The following LUZP2 variants were observed in gnomAD, a reference collection of about 807,000 sequenced individuals.
LUZP2 encodes leucine zipper protein 2.
Under a neutral mutation model 51.6 loss-of-function variants are expected in LUZP2, and 52 were observed. The ratio of observed to expected loss-of-function variants is 1.01; its 90% CI spans 0.81 to 1.27. The LOEUF (loss-of-function observed/expected upper bound fraction) is 1.27, where lower values mean the gene tolerates loss of function less well. Among genes scored for constraint, LUZP2 ranks in the 50% most tolerant of loss-of-function variants. LUZP2 has a pLI of 0.00. For synonymous variants in LUZP2, 154 were observed against 137.3 expected, an observed-to-expected ratio of 1.12 and a Z score of -0.85; for missense variants, 436 against 395.4, an observed-to-expected ratio of 1.10 and a Z score of -0.87.
intron 3 of LUZP2, among the ~76,000 whole-genome samples, chr11:24,734,878 A>T (rs1366153056): frequency 2.0e-5 from 3 of 151,798 alleles, no homozygotes; most frequent in Non-Finnish European, 2.9e-5. Flanking sequence ...CTCAATTATT[A>T]CCTTGTTTTC....
chr11:24,633,958 G>GTATATATATATATATA (rs534303582), intron 1 of LUZP2, among the ~76,000 whole-genome samples: 45 of 134,918 alleles, frequency 3.3e-4, no homozygotes, highest in Admixed American at 5.5e-4. Context: ...GTGTGTGTGT[G>GTATATATATATATATA]TGTGTGTATA....
intron 1 of LUZP2, among the ~76,000 whole-genome samples, chr11:24,662,963 G>T (rs935274513): frequency 2.0e-5 from 3 of 151,718 alleles, no homozygotes; most frequent in African/African-American, 7.3e-5. Context: ...TGATTCAGTT[G>T]TTTAGAAAAA....
chr11:24,826,191 AT>A (rs1438688621), intron 5 of LUZP2, among the ~76,000 whole-genome samples: 189 of 10,122 alleles, frequency 0.019, 4 homozygotes, highest in African/African-American at 0.043. Context: ...AAAAAAAAAA[AT>A]ATATATATAT....
chr11:24,927,635 A>T (rs1204985020), intron 7 of LUZP2, among the ~76,000 whole-genome samples: 2 of 152,122 alleles, frequency 1.3e-5, no homozygotes, highest in Non-Finnish European at 2.9e-5. Context: ...TGTTTTGGTG[A>T]CTATGGCCTT....
intron 1 of LUZP2, among the ~76,000 whole-genome samples, chr11:24,550,680 T>C (rs1851699246): frequency 2.0e-5 from 3 of 152,132 alleles, no homozygotes; most frequent in South Asian, 2.1e-4. Context: ...CAGGAATGAA[T>C]GTACCTTATT....
rs140007060 is a variant in LUZP2, at chr11:24,779,895, T to G, written c.396+16587T>G. ...TGAGAGAAATTTGAAGATGCCGACT[T>G]TGATAATGGGAGGGATGTGAATGTG... On this transcript the variant is annotated intron_variant, in intron 5 of 11. Transcript: ENST00000336930. 2.4e-3 allele frequency among the ~76,000 whole-genome samples: 360 copies of G among 152,032 alleles called. 2 individuals are homozygous for G. Among genetic ancestry groups the G allele is most frequent in the African/African-American group, 8.1e-3 (335 of 41,502 alleles).
At chr11:24,573,095 A>G (rs889613568) in intron 1 of LUZP2, among the ~76,000 whole-genome samples, 1 of 141,872 alleles carries the variant, frequency 7.0e-6, no homozygotes. Context: ...GAAGGAAATT[A>G]TTGTAAATAA....
intron 1 of LUZP2, among the ~76,000 whole-genome samples, chr11:24,592,209 C>T (rs899921612): frequency 6.6e-6 from 1 of 152,156 alleles, no homozygotes; most frequent in South Asian, 2.1e-4. Context: ...ATTTATCTGC[C>T]TGACAACAGG....
intron 5 of LUZP2, among the ~76,000 whole-genome samples, chr11:24,814,856 G>T (rs1564929579): frequency 1.3e-5 from 2 of 152,096 alleles, no homozygotes; most frequent in Admixed American, 6.6e-5. Context: ...GCCAGGCGTG[G>T]CGGTGTGCGC....
intron 5 of LUZP2, among the ~76,000 whole-genome samples, chr11:24,792,157 G>A (rs544270371): frequency 3.3e-5 from 5 of 152,118 alleles, no homozygotes; most frequent in African/African-American, 9.6e-5. Flanking sequence ...GGCCAGGCAC[G>A]GTGGTTCATG....
At chr11:24,815,694 T>C (rs368774574) in intron 5 of LUZP2, among the ~76,000 whole-genome samples, 9 of 152,298 alleles carry the variant, frequency 5.9e-5, no homozygotes, top group African/African-American at 2.2e-4. Context: ...GCCTCCACTT[T>C]GCTCAGAGAA....
chr11:24,528,927 C>T (rs1451501530), intron 1 of LUZP2, among the ~76,000 whole-genome samples: 4 of 151,150 alleles, frequency 2.6e-5, no homozygotes, highest in Non-Finnish European at 5.9e-5. Flanking sequence ...GTATTATACA[C>T]ATAGTAGGTG....
chr11:24,515,927 C>G (rs1850449574), intron 1 of LUZP2, among the ~76,000 whole-genome samples: 1 of 151,898 alleles, frequency 6.6e-6, no homozygotes, highest in African/African-American at 2.4e-5. Context: ...TTTTTTCTTT[C>G]TTATGAAAGT....
intron 1 of LUZP2, among the ~76,000 whole-genome samples, chr11:24,520,100 A>G (rs567399621): frequency 5.3e-5 from 8 of 152,194 alleles, no homozygotes; most frequent in Non-Finnish European, 1.0e-4. Context: ...AATCCACAAG[A>G]TCTTTAGTTT....
At chr11:24,884,451 C>T (rs910445064) in intron 5 of LUZP2, among the ~76,000 whole-genome samples, 9 of 151,976 alleles carry the variant, frequency 5.9e-5, no homozygotes, top group African/African-American at 1.2e-4. Context: ...GACATACATT[C>T]GACACCTAGT....
chr11:24,909,722 T>A (rs1853567750), intron 6 of LUZP2, among the ~76,000 whole-genome samples: 1 of 152,160 alleles, frequency 6.6e-6, no homozygotes, highest in Non-Finnish European at 1.5e-5. Flanking sequence ...CCATGTGGAA[T>A]TGTGAGTCAA....
At chr11:25,002,007 T>C (rs1856695326) in intron 9 of LUZP2, among the ~76,000 whole-genome samples, 1 of 152,226 alleles carries the variant, frequency 6.6e-6, no homozygotes, top group Non-Finnish European at 1.5e-5. Flanking sequence ...AACTCCATGA[T>C]TTCCCTGTGG....
chr11:24,552,295 T>A (rs1851745618), intron 1 of LUZP2, among the ~76,000 whole-genome samples: 1 of 152,028 alleles, frequency 6.6e-6, no homozygotes, highest in Non-Finnish European at 1.5e-5. Flanking sequence ...AAACATAATT[T>A]GATACATTTC....
At chr11:24,551,651 A>G (rs545321567) in intron 1 of LUZP2, among the ~76,000 whole-genome samples, 7 of 152,178 alleles carry the variant, frequency 4.6e-5, no homozygotes, top group African/African-American at 1.7e-4. Flanking sequence ...AAAACAAAAT[A>G]TATCAAAATT....
Sources: allele counts gnomAD v4.1 joint callset (sites outside exome capture counted in the v4.1 genomes callset), GRCh38; gene constraint gnomAD v4.1.1; transcripts MANE v1.5; gene names NCBI Gene and HGNC (gene_info 2026-07-23, HGNC 2026-07-21).